THSD4: variants seen among roughly 807,000 people sequenced by gnomAD.
THSD4 encodes the protein thrombospondin type 1 domain containing 4.
THSD4 carries 69 observed loss-of-function variants against 119.0 expected under a neutral mutation model. That is an observed-to-expected ratio of 0.58 (90% CI 0.48 to 0.71). THSD4 has a LOEUF of 0.71. Among genes scored for constraint, THSD4 ranks in the 30% least tolerant of loss-of-function variants. The pLI is 0.00. For synonymous variants in THSD4, 524 were observed against 540.4 expected, an observed-to-expected ratio of 0.97 and a Z score of 0.42; for missense variants, 1,393 against 1,391.1, an observed-to-expected ratio of 1.00 and a Z score of -0.02.
At chr15:71,113,012 C>T (rs1448645324), upstream of THSD4, among the ~76,000 whole-genome samples, 1 of 152,016 alleles carries the variant, frequency 6.6e-6, no homozygotes, top group Non-Finnish European at 1.5e-5. Flanking sequence ...TACCTCCTTT[C>T]TACTAAAAAT....
intron 3 of THSD4, among the ~76,000 whole-genome samples, chr15:71,157,484 C>A (rs1471910937): frequency 1.3e-5 from 2 of 151,914 alleles, no homozygotes; most frequent in African/African-American, 4.8e-5. Context: ...TCTCTTCTAG[C>A]TATTTTGTCA....
intron 7 of THSD4, among the ~76,000 whole-genome samples, chr15:71,639,262 T>A (rs16955919): frequency 1.3e-5 from 2 of 152,284 alleles, no homozygotes; most frequent in African/African-American, 4.8e-5. Context: ...TTTCATCAAT[T>A]TGTAAACTGT....
chr15:71,419,183 ATTTCT>A (rs200751087), intron 7 of THSD4, among the ~76,000 whole-genome samples: 7,250 of 83,588 alleles, frequency 0.087, 2,336 homozygotes, highest in Middle Eastern at 0.15. Context: ...GATCTTTATT[ATTTCT>A]TTTCTTTTCT....
chr15:71,139,354 G>C lies in THSD4; in HGVS notation c.-79-2095G>C, dbSNP rs143157381. 3.3e-5 allele frequency among the ~76,000 whole-genome samples: 5 copies of C among 152,270 alleles called. No individual in the cohort carries two copies. In the East Asian group the frequency reaches 9.7e-4, roughly 29 times the overall value. On this transcript the variant is annotated intron_variant, in intron 1 of 17. Transcript: ENST00000261862. ...GTAAATAATTACTGATTAGTTGATG[G>C]TTATCAGGGACTTGGCAAAGACTTC...
chr15:71,203,247 A>G (rs2043817696), intron 3 of THSD4, among the ~76,000 whole-genome samples: 1 of 152,110 alleles, frequency 6.6e-6, no homozygotes, highest in African/African-American at 2.4e-5. Context: ...CCAGATGGTG[A>G]CAGGTTTGGG....
intron 3 of THSD4, among the ~76,000 whole-genome samples, chr15:71,191,966 G>T (rs139572861): frequency 0.018 from 2,648 of 149,320 alleles, 40 homozygotes; most frequent in South Asian, 0.049. Context: ...GTAGTGGCAC[G>T]ATCTCAGCTC....
intron 2 of THSD4, among the ~76,000 whole-genome samples, chr15:71,153,339 G>A (rs969115686): frequency 5.3e-5 from 8 of 152,166 alleles, no homozygotes; most frequent in Non-Finnish European, 4.4e-5. Context: ...GAGGGATGGC[G>A]CGCACCCGCT....
intron 7 of THSD4, among the ~76,000 whole-genome samples, chr15:71,449,820 A>G (rs1288958704): frequency 6.6e-6 from 1 of 152,240 alleles, no homozygotes; most frequent in Admixed American, 6.5e-5. Context: ...AGGCCCAACT[A>G]CTAGAAAATG....
chr15:71,660,506 C>A, intron 7 of THSD4, 24 bp from the exon 8 acceptor site: 1 of 1,613,730 alleles, frequency 6.2e-7, no homozygotes, highest in Non-Finnish European at 8.5e-7. Flanking sequence ...TACTATGAGT[C>A]TTTTGTTTTC....
intron 7 of THSD4, among the ~76,000 whole-genome samples, chr15:71,641,725 C>T (rs907445655): frequency 1.3e-5 from 2 of 152,010 alleles, no homozygotes; most frequent in African/African-American, 2.4e-5. Context: ...AGGGCAAATA[C>T]TTTGTCACAG....
intron 17 of THSD4, among the ~76,000 whole-genome samples, chr15:71,774,129 T>C (rs936165476): frequency 6.6e-6 from 1 of 151,926 alleles, no homozygotes; most frequent in South Asian, 2.1e-4. Flanking sequence ...CTGGGCAACA[T>C]GGTGAAATCC....
At chr15:71,569,216 T>A (rs1399319384) in intron 7 of THSD4, among the ~76,000 whole-genome samples, 3 of 152,134 alleles carry the variant, frequency 2.0e-5, no homozygotes, top group Admixed American at 2.0e-4. Flanking sequence ...TGGATGTGAG[T>A]GCTGACCCAC....
At chr15:71,264,132 A>G (rs571218479) in intron 6 of THSD4, among the ~76,000 whole-genome samples, 2 of 152,354 alleles carry the variant, frequency 1.3e-5, no homozygotes, top group East Asian at 3.9e-4. Context: ...ATAAAAACAT[A>G]GACAATATTA....
intron 7 of THSD4, among the ~76,000 whole-genome samples, chr15:71,583,312 T>C (rs2049594697): frequency 6.6e-6 from 1 of 152,160 alleles, no homozygotes; most frequent in Non-Finnish European, 1.5e-5. Flanking sequence ...TTTCTTATAG[T>C]CTAGCTAAAG....
upstream of THSD4, chr15:71,112,138 G>A: frequency 1.2e-6 from 2 of 1,613,620 alleles, no homozygotes; most frequent in Non-Finnish European, 1.7e-6. Flanking sequence ...AGAGATTTGG[G>A]AGCCCTCACC....
chr15:71,249,282 T>G (rs767734928), intron 5 of THSD4, among the ~76,000 whole-genome samples: 2 of 152,100 alleles, frequency 1.3e-5, no homozygotes, highest in African/African-American at 2.4e-5. Context: ...GTTGTCATTT[T>G]TCATGATTAT....
chr15:71,676,280 C>T (rs1473950497), intron 8 of THSD4, among the ~76,000 whole-genome samples: 2 of 152,020 alleles, frequency 1.3e-5, no homozygotes, highest in Admixed American at 6.5e-5. Flanking sequence ...CACCACGATC[C>T]ATTTTCAGAA....
At chr15:71,328,047 G>A (rs984911481) in intron 6 of THSD4, among the ~76,000 whole-genome samples, 7 of 152,172 alleles carry the variant, frequency 4.6e-5, no homozygotes, top group South Asian at 4.1e-4. Context: ...ACAATAGGCC[G>A]TGTCCTCCTT....
chr15:71,560,028 G>A (rs777182210), intron 7 of THSD4, among the ~76,000 whole-genome samples: 6 of 151,822 alleles, frequency 4.0e-5, no homozygotes, highest in Non-Finnish European at 5.9e-5. Flanking sequence ...CTATACTTTT[G>A]ACATGCATAC....
Sources: gnomAD v4.1 joint callset for allele counts (sites outside exome capture counted in the v4.1 genomes callset) on GRCh38, gnomAD v4.1.1 for gene constraint, MANE v1.5 for transcripts, NCBI Gene and HGNC (gene_info 2026-07-23, HGNC 2026-07-21) for gene names.